The following RPL22 variants were observed in gnomAD, a reference collection of about 807,000 sequenced individuals.
The protein encoded by RPL22 is large ribosomal subunit protein eL22.
Under a neutral mutation model 16.2 loss-of-function variants are expected in RPL22, and 4 were observed. The ratio of observed to expected loss-of-function variants is 0.25; its 90% CI spans 0.12 to 0.57. The LOEUF (loss-of-function observed/expected upper bound fraction) is 0.57. Ranked by LOEUF, RPL22 falls within the 20% of genes least tolerant of loss-of-function variation. The pLI is 0.92. For missense variants in RPL22, 83 were observed against 156.1 expected (o/e 0.53, Z 2.49); for synonymous variants, 43 against 54.8 (o/e 0.78, Z 0.95).
Position 6,186,517 on chromosome 1 carries a change from T to C in RPL22, c.*155A>G, listed in dbSNP as rs1435686299. 2 of 531,940 alleles carry C rather than the reference T, an allele frequency of 3.8e-6. No homozygotes were observed. Among genetic ancestry groups the C allele is most frequent in the Non-Finnish European group, 6.4e-6 (2 of 310,392 alleles). The allele number at this position is 531,940 out of a possible 1,614,324, so 33.0% of individuals were successfully genotyped here. ...TAAGCAGAAAAAAAAAGAAGTCAAG[T>C]TACAAATAAATGAGTGGCGAACCAA... On this transcript the variant is annotated 3_prime_UTR_variant, in exon 4 of 4. Coordinates refer to ENST00000234875, the MANE Select transcript of RPL22 (RefSeq NM_000983.4).
intron 2 of RPL22, 50 bp downstream of exon 2, chr1:6,197,602 T>C (rs1199160177): frequency 1.6e-6 from 2 of 1,224,444 alleles, no homozygotes; most frequent in Admixed American, 3.5e-5. Flanking sequence ...TTCTCAACAG[T>C]ATCTCAAAAT....
chr1:6,189,802 T>G (rs1667627076), intron 3 of RPL22, among the ~76,000 whole-genome samples: 1 of 152,114 alleles, frequency 6.6e-6, no homozygotes, highest in Non-Finnish European at 1.5e-5. Context: ...GCGCCTGTAA[T>G]CCCAGCTACT....
chr1:6,186,852 T>A (rs1402721740), intron 3 of RPL22, 36 bp from the exon 4 acceptor site: 1 of 1,606,656 alleles, frequency 6.2e-7, no homozygotes, highest in Non-Finnish European at 8.5e-7. Context: ...CACTAGACAG[T>A]TGGTGCTTGC....
chr1:6,196,122 C>A (rs889849009), intron 2 of RPL22, among the ~76,000 whole-genome samples: 1 of 152,130 alleles, frequency 6.6e-6, no homozygotes, highest in African/African-American at 2.4e-5. Context: ...ATAGATGGGG[C>A]ACAGAGTGAT....
intron 3 of RPL22, among the ~76,000 whole-genome samples, chr1:6,188,797 T>C (rs1050289167): frequency 2.6e-5 from 4 of 151,714 alleles, no homozygotes; most frequent in African/African-American, 7.3e-5. Flanking sequence ...CTGGCATTTT[T>C]TTTTTTTTTG....
chr1:6,193,611 C>G (rs1220621597), intron 2 of RPL22, among the ~76,000 whole-genome samples: 1 of 152,022 alleles, frequency 6.6e-6, no homozygotes, highest in Non-Finnish European at 1.5e-5. Flanking sequence ...GCGTGAGCCA[C>G]TGCGCCTGGC....
intron 3 of RPL22, among the ~76,000 whole-genome samples, chr1:6,192,682 G>C (rs1279384182): frequency 1.3e-5 from 2 of 152,200 alleles, no homozygotes; most frequent in African/African-American, 4.8e-5. Flanking sequence ...CTGGGCGATG[G>C]AGTGAGACTC....
Position 6,199,587 on chromosome 1 carries a change from T to G in RPL22, c.-14A>C. Reference sequence around the variant, plus strand: ...CACAGGAGCCATGGCGGCAGCGGAGTTAGAAAGGGAGGTGAGCGAACTACG... The same window carrying G: ...CACAGGAGCCATGGCGGCAGCGGAGGTAGAAAGGGAGGTGAGCGAACTACG... On this transcript the variant is annotated 5_prime_UTR_variant, in exon 1 of 4. Coordinates refer to ENST00000234875, the MANE Select transcript of RPL22 (RefSeq NM_000983.4). The G allele has an allele frequency of 6.4e-7, 1 of 1,567,562 alleles. No homozygotes were observed. Among genetic ancestry groups the G allele is most frequent in the South Asian group, 1.2e-5 (1 of 85,040 alleles).
rs372146522 is a variant in RPL22, at chr1:6,185,709, T to C, written c.*963A>G. 71 of 261,560 alleles carry C rather than the reference T, an allele frequency of 2.7e-4. No individual in the cohort carries two copies. Among genetic ancestry groups the C allele is most frequent in the Middle Eastern group, 1.1e-3 (1 of 902 alleles). The allele number at this position is 261,560 out of a possible 1,614,324, so 16.2% of individuals were successfully genotyped here. A position where few individuals can be genotyped will look rare whatever the true frequency, so the allele number is the denominator to read the frequency against. ...CTTTCAAAGTCACTCACAGCAACAA[T>C]TGCATTTTTTTCCCAGCCTTGGTAG... On this transcript the variant is annotated 3_prime_UTR_variant, in exon 4 of 4. Transcript: ENST00000234875.
At chr1:6,193,197 C>T in intron 2 of RPL22, 143 bp from the exon 3 acceptor site, 1 of 958,142 alleles carries the variant, frequency 1.0e-6, no homozygotes, top group East Asian at 2.5e-5. Flanking sequence ...TCACAGCTCA[C>T]TGCAGTCTCA....
intron 2 of RPL22, among the ~76,000 whole-genome samples, chr1:6,195,998 G>A (rs1393801609): frequency 6.6e-6 from 1 of 152,112 alleles, no homozygotes; most frequent in African/African-American, 2.4e-5. Context: ...GGGAAACGGA[G>A]ATTGTGGTGA....
chr1:6,192,675 G>A (rs893981289), intron 3 of RPL22, among the ~76,000 whole-genome samples: 5 of 152,174 alleles, frequency 3.3e-5, no homozygotes, highest in Non-Finnish European at 7.3e-5. Flanking sequence ...CAACAGCCTG[G>A]GCGATGGAGT....
Position 6,186,447 on chromosome 1 carries a change from C to T in RPL22, c.*225G>A, listed in dbSNP as rs1372950477. The T allele has an allele frequency of 4.9e-6, 2 of 406,966 alleles. No homozygotes were observed. The highest frequency in any genetic ancestry group is 4.4e-6 in the Non-Finnish European group (1 of 227,288). 25.2% of individuals were successfully genotyped at this position (406,966 alleles called of 1,614,324 possible). A position where few individuals can be genotyped will look rare whatever the true frequency, so the allele number is the denominator to read the frequency against. On this transcript the variant is annotated 3_prime_UTR_variant, in exon 4 of 4. Transcript: ENST00000234875. ...CCAATGGCTGTCAGTTCGGTAAAGT[C>T]ACCCTCTCCTTCTACTCTGGTATTA...
chr1:6,198,035 A>G (rs1033994634), intron 1 of RPL22: 7 of 460,276 alleles, frequency 1.5e-5, no homozygotes, highest in South Asian at 6.4e-5. Flanking sequence ...AGTCTCCCCA[A>G]TCTCTACAGG....
In RPL22 at chr1:6,186,721, C is replaced by A; in HGVS notation, c.338G>T (p.Arg113Leu). 12 of 1,589,136 alleles carry A rather than the reference C, an allele frequency of 7.6e-6. No homozygotes were observed. The highest frequency in any genetic ancestry group is 9.5e-6 in the Non-Finnish European group (11 of 1,161,012). Reference protein sequence around the residue: ...VANSKESYELRYFQINQDEEE... With the variant: ...VANSKESYELLYFQINQDEEE... Reference sequence around the variant, plus strand: ...TTCGTCCTGGTTAATCTGGAAGTAACGTAATTCGTAACTCTCTTTGCTGTT... The same window carrying A: ...TTCGTCCTGGTTAATCTGGAAGTAAAGTAATTCGTAACTCTCTTTGCTGTT... Residue 113 changes from arginine (R) to leucine (L), a missense_variant, in exon 4 of 4, where the codon CGT (arginine) becomes CTT (leucine). Coordinates refer to ENST00000234875, the MANE Select transcript of RPL22 (RefSeq NM_000983.4).
At chr1:6,187,240 G>A (rs1479741572) in intron 3 of RPL22, among the ~76,000 whole-genome samples, 13 of 152,010 alleles carry the variant, frequency 8.6e-5, no homozygotes, top group African/African-American at 2.2e-4. Flanking sequence ...TCCAGGAGGC[G>A]GAGGGTGTAG....
At chr1:6,191,163 G>T (rs1410178031) in intron 3 of RPL22, among the ~76,000 whole-genome samples, 3 of 146,660 alleles carry the variant, frequency 2.0e-5, no homozygotes, top group South Asian at 2.2e-4. Context: ...ATCGAGACCA[G>T]CCTGGCCAAC....
At position 6,186,487 on chromosome 1, in the gene RPL22, A is replaced by AT; in HGVS notation, c.*184dup. 2.1e-6 allele frequency: 1 copy of AT among 478,708 alleles called. No homozygotes were observed. Among genetic ancestry groups the AT allele is most frequent in the Admixed American group, 4.2e-5 (1 of 23,884 alleles). 29.7% of individuals were successfully genotyped at this position (478,708 alleles called of 1,614,324 possible). On this transcript the variant is annotated 3_prime_UTR_variant, in exon 4 of 4. Coordinates refer to ENST00000234875, the MANE Select transcript of RPL22 (RefSeq NM_000983.4). ...CTCTGGTATTACCACGAGAATTGAA[A>AT]TTTTTAAGCAGAAAAAAAAAGAAGT...
chr1:6,191,902 G>A (rs1409337054), intron 3 of RPL22, among the ~76,000 whole-genome samples: 1 of 151,500 alleles, frequency 6.6e-6, no homozygotes, highest in Non-Finnish European at 1.5e-5. Flanking sequence ...GGGAAGCTGA[G>A]GCAGGAGAAT....
Sources: gnomAD v4.1 joint callset for allele counts (sites outside exome capture counted in the v4.1 genomes callset) on GRCh38, gnomAD v4.1.1 for gene constraint, MANE v1.5 for transcripts, NCBI Gene and HGNC (gene_info 2026-07-23, HGNC 2026-07-21) for gene names.